IQSEC1: variants seen among roughly 807,000 people sequenced by gnomAD.
The protein encoded by IQSEC1 is IQ motif and SEC7 domain-containing protein 1.
A neutral mutation model predicts 91.0 loss-of-function variants in IQSEC1; 31 were observed. The observed-to-expected ratio is 0.34, with a 90% CI of 0.26 to 0.46. IQSEC1 has a LOEUF of 0.46. Among genes scored for constraint, IQSEC1 ranks in the 20% least tolerant of loss-of-function variants. The pLI, the probability that IQSEC1 is intolerant of heterozygous loss-of-function variation, is 1.00. For missense variants in IQSEC1, 1,388 were observed against 1,575.6 expected, an observed-to-expected ratio of 0.88 and a Z score of 2.02; for synonymous variants, 699 against 662.6, an observed-to-expected ratio of 1.05 and a Z score of -0.84.
Position 12,900,382 on chromosome 3 carries a change from C to T in IQSEC1, c.*601G>A. ...GTCTTCCTATTAGGTAAGTGGAGCT[C>T]CTTGTAAGGTGGGTATTGCTAATGT... On this transcript the variant is annotated 3_prime_UTR_variant, in exon 14 of 14. Coordinates refer to ENST00000613206, the MANE Select transcript of IQSEC1 (RefSeq NM_001134382.3). 3.0e-6 allele frequency: 3 copies of T among 984,674 alleles called. No homozygotes were observed. The highest frequency in any genetic ancestry group is 1.8e-5 in the African/African-American group (1 of 57,130). The allele number at this position is 984,674 out of a possible 1,614,324, so 61.0% of individuals were successfully genotyped here.
chr3:12,968,978 C>T (rs950403214), intron 1 of IQSEC1, among the ~76,000 whole-genome samples: 1 of 152,110 alleles, frequency 6.6e-6, no homozygotes, highest in Non-Finnish European at 1.5e-5. Flanking sequence ...CCTGGGTTCC[C>T]AGGCAAGAAG....
At chr3:13,119,875 C>G (rs1382003605) in intron 2 of IQSEC1, among the ~76,000 whole-genome samples, 1 of 152,134 alleles carries the variant, frequency 6.6e-6, no homozygotes. Flanking sequence ...TCTGACAGCC[C>G]TCTCGGTGAG....
Position 12,900,349 on chromosome 3 carries a change from A to G in IQSEC1, c.*634T>C. 2 of 984,916 alleles carry G rather than the reference A, an allele frequency of 2.0e-6. No homozygotes were observed. Among genetic ancestry groups the G allele is most frequent in the Non-Finnish European group, 2.4e-6 (2 of 829,716 alleles). The allele number at this position is 984,916 out of a possible 1,614,324, so 61.0% of individuals were successfully genotyped here. A position where few individuals can be genotyped will look rare whatever the true frequency, so the allele number is the denominator to read the frequency against. ...GGTCTATTGTCTCACACACCCAGCTAAGGTACTGTCTTCCTATTAGGTAAG... is the reference window on the plus strand; with the variant it reads ...GGTCTATTGTCTCACACACCCAGCTGAGGTACTGTCTTCCTATTAGGTAAG... On this transcript the variant is annotated 3_prime_UTR_variant, in exon 14 of 14. Transcript: ENST00000613206.
chr3:12,971,763 C>A (rs774614215), intron 1 of IQSEC1, among the ~76,000 whole-genome samples: 1 of 152,066 alleles, frequency 6.6e-6, no homozygotes, highest in African/African-American at 2.4e-5. Context: ...GTGTTTGTTA[C>A]TTTTTAAAAA....
intron 6 of IQSEC1, among the ~76,000 whole-genome samples, chr3:12,919,906 A>G (rs1442146705): frequency 6.6e-6 from 1 of 152,094 alleles, no homozygotes; most frequent in Non-Finnish European, 1.5e-5. Context: ...CTCCCAGCAC[A>G]TGCCCACCTC....
At chr3:13,082,462 G>T (rs914084833) in intron 2 of IQSEC1, among the ~76,000 whole-genome samples, 3 of 152,228 alleles carry the variant, frequency 2.0e-5, no homozygotes, top group African/African-American at 7.2e-5. Context: ...CAGCCTCTCA[G>T]CTGGCCTGGT....
intron 1 of IQSEC1, among the ~76,000 whole-genome samples, chr3:13,209,389 T>A (rs1694403431): frequency 6.6e-6 from 1 of 152,228 alleles, no homozygotes; most frequent in Admixed American, 6.5e-5. Flanking sequence ...TGTATTCCTT[T>A]CCCAGGGCCC....
intron 1 of IQSEC1, among the ~76,000 whole-genome samples, chr3:13,269,562 G>C (rs766819635): frequency 7.9e-5 from 12 of 152,178 alleles, no homozygotes; most frequent in Non-Finnish European, 4.4e-5. Flanking sequence ...GCCAGGTTGT[G>C]GGGGGCAGGG....
rs201654845 is a variant in IQSEC1 at position 13,229,832 on chromosome 3, C to T, written c.272+52879G>A. On this transcript the variant is annotated intron_variant, in intron 1 of 15. Transcript: ENST00000648114. ...TCTGCCTAGACACACCACTTCCTAG[C>T]TGTGTGAACTTGGGCAAGTGACCCA... 3.3e-5 allele frequency among the ~76,000 whole-genome samples: 5 copies of T among 152,326 alleles called. No homozygotes were observed. In the East Asian group the frequency reaches 9.6e-4, roughly 29 times the overall value.
intron 2 of IQSEC1, among the ~76,000 whole-genome samples, chr3:13,109,163 T>C (rs1410235559): frequency 6.6e-6 from 1 of 152,178 alleles, no homozygotes; most frequent in African/African-American, 2.4e-5. Flanking sequence ...GGGACTGGCA[T>C]GCGCAATGCT....
chr3:13,197,284 C>A (rs1008804787), intron 1 of IQSEC1, among the ~76,000 whole-genome samples: 1 of 152,248 alleles, frequency 6.6e-6, no homozygotes, highest in African/African-American at 2.4e-5. Context: ...AGCCCCCAAG[C>A]GCCCACAACA....
Position 12,900,316 on chromosome 3 carries a change from T to C in IQSEC1, c.*667A>G. 1.0e-6 allele frequency: 1 copy of C among 984,752 alleles called. No homozygotes were observed. The highest frequency in any genetic ancestry group is 1.2e-6 in the Non-Finnish European group (1 of 829,416). 61.0% of individuals were successfully genotyped at this position (984,752 alleles called of 1,614,324 possible). A position where few individuals can be genotyped will look rare whatever the true frequency, so the allele number is the denominator to read the frequency against. On this transcript the variant is annotated 3_prime_UTR_variant, in exon 14 of 14. Transcript: ENST00000613206. The stretch of plus-strand genomic sequence containing the variant: ...AGTATCTGAATTTGTTCCTAGCATT[T>C]AGGGTTTGGTCTATTGTCTCACACA...
At chr3:13,246,278 AC>A (rs1695107090) in intron 1 of IQSEC1, among the ~76,000 whole-genome samples, 1 of 152,010 alleles carries the variant, frequency 6.6e-6, no homozygotes, top group Non-Finnish European at 1.5e-5. Flanking sequence ...GAACAGCAGG[AC>A]TCCACTGATC....
rs1169748830 is a variant in IQSEC1 at position 12,900,465 on chromosome 3, ATATTTATAT to A, written c.*509_*517del. ...CTACCTATACAGTATATATATATATATATTTATATATTTATATATTTATATAAAGTTTAC... is the reference window on the plus strand; with the variant it reads ...CTACCTATACAGTATATATATATATAATTTATATATTTATATAAAGTTTAC... On this transcript the variant is annotated 3_prime_UTR_variant, in exon 14 of 14. Transcript: ENST00000613206. 1 of 657,456 alleles carries A rather than the reference ATATTTATAT, an allele frequency of 1.5e-6. No homozygotes were observed. Among genetic ancestry groups the A allele is most frequent in the African/African-American group, 2.0e-5 (1 of 50,034 alleles). The allele number at this position is 657,456 out of a possible 1,614,324, so 40.7% of individuals were successfully genotyped here. A position where few individuals can be genotyped will look rare whatever the true frequency, so the allele number is the denominator to read the frequency against.
intron 2 of IQSEC1, among the ~76,000 whole-genome samples, chr3:13,145,184 G>A (rs185123479): frequency 6.6e-6 from 1 of 152,278 alleles, no homozygotes; most frequent in African/African-American, 2.4e-5. Context: ...GGAACAGGTT[G>A]GCCTGCAATG....
rs570708260 is a variant in IQSEC1, at chr3:12,922,356, A to T, written c.1731-114T>A. On this transcript the variant is annotated intron_variant, in intron 4 of 13. Coordinates refer to ENST00000613206, the MANE Select transcript of IQSEC1 (RefSeq NM_001134382.3). This position sits in a 1 kb window ranked among gnomAD's most constrained non-coding sequence, Gnocchi z 5.1. ...GGGAATGGACCGCCTCCTGGCAGGG[A>T]GAGCCCCTGCCTGACTCCGACCAAT... is the stretch of plus-strand genomic sequence containing the variant. The T allele has an allele frequency of 1.3e-3, 1,684 of 1,299,798 alleles. 3 individuals carry two copies. Among genetic ancestry groups the T allele is most frequent in the South Asian group, 1.7e-3 (103 of 59,712 alleles). The allele number at this position is 1,299,798 out of a possible 1,614,324, so 80.5% of individuals were successfully genotyped here.
chr3:12,939,231 G>A (rs539566036), intron 2 of IQSEC1, among the ~76,000 whole-genome samples: 80 of 152,342 alleles, frequency 5.3e-4, no homozygotes, highest in African/African-American at 1.6e-3. Context: ...TAGAGGAGTC[G>A]ACCCCGTGGC....
intron 1 of IQSEC1, among the ~76,000 whole-genome samples, chr3:13,182,907 GT>G (rs1304944169): frequency 6.6e-6 from 1 of 152,224 alleles, no homozygotes; most frequent in Non-Finnish European, 1.5e-5. Context: ...GCTCACGCCT[GT>G]AATCCCAGCA....
chr3:12,957,429 A>G (rs1444242917), intron 1 of IQSEC1, among the ~76,000 whole-genome samples: 1 of 152,212 alleles, frequency 6.6e-6, no homozygotes, highest in African/African-American at 2.4e-5. Context: ...GAATATACAC[A>G]CGCACAGAGC....
Sources: gnomAD v4.1 joint callset for allele counts (sites outside exome capture counted in the v4.1 genomes callset) on GRCh38, gnomAD v4.1.1 for gene constraint, Gnocchi (gnomAD v3.1) non-coding constraint, MANE v1.5 for transcripts, NCBI Gene and HGNC (gene_info 2026-07-23, HGNC 2026-07-21) for gene names.